The following NRXN3 variants were observed in gnomAD, a reference collection of about 807,000 sequenced individuals.
NRXN3 encodes neurexin III.
Under a neutral mutation model 137.6 loss-of-function variants are expected in NRXN3, and 32 were observed. The observed-to-expected ratio is 0.23, with a 90% CI of 0.18 to 0.31. The LOEUF is 0.31. Ranked by LOEUF, NRXN3 falls within the 10% of genes least tolerant of loss-of-function variation. The pLI, the probability that NRXN3 is intolerant of heterozygous loss-of-function variation, is 1.00. For missense variants in NRXN3, 1,574 were observed against 2,062.5 expected (o/e 0.76, Z 4.59); for synonymous variants, 798 against 784.5 (o/e 1.02, Z -0.29).
chr14:78,959,810 T>C (rs1229870948), intron 11 of NRXN3, among the ~76,000 whole-genome samples: 1 of 151,936 alleles, frequency 6.6e-6, no homozygotes, highest in Non-Finnish European at 1.5e-5. Flanking sequence ...AAGTCACACA[T>C]CTGTTGCTCA....
At chr14:78,343,814 T>C (rs1335690384) in intron 4 of NRXN3, among the ~76,000 whole-genome samples, 1 of 152,170 alleles carries the variant, frequency 6.6e-6, no homozygotes, top group Non-Finnish European at 1.5e-5. Context: ...TCCCAACCAA[T>C]TAATCAGAAT....
intron 4 of NRXN3, among the ~76,000 whole-genome samples, chr14:78,599,594 G>T (rs2097186366): frequency 6.6e-6 from 1 of 152,038 alleles, no homozygotes; most frequent in Non-Finnish European, 1.5e-5. Context: ...TCCTTTTCCT[G>T]TACCCCTCCA....
chr14:78,638,646 T>C (rs2097586505), intron 4 of NRXN3, among the ~76,000 whole-genome samples: 1 of 152,134 alleles, frequency 6.6e-6, no homozygotes, highest in African/African-American at 2.4e-5. Flanking sequence ...GCAGATAACT[T>C]GGATGTCTGC....
chr14:79,116,404 T>G (rs142483279), intron 15 of NRXN3, among the ~76,000 whole-genome samples: 77 of 152,338 alleles, frequency 5.1e-4, no homozygotes, highest in African/African-American at 1.7e-3. Flanking sequence ...TAAGCTGTAA[T>G]GGATGCAAAA....
At chr14:79,402,526 T>TAA (rs1048573004) in intron 15 of NRXN3, among the ~76,000 whole-genome samples, 3 of 152,214 alleles carry the variant, frequency 2.0e-5, no homozygotes, top group African/African-American at 4.8e-5. Context: ...TTAGCATAAG[T>TAA]AAAATTAATG....
At chr14:78,791,640 C>T (rs371960682) in intron 8 of NRXN3, among the ~76,000 whole-genome samples, 58 of 152,240 alleles carry the variant, frequency 3.8e-4, no homozygotes, top group African/African-American at 1.3e-3. Flanking sequence ...TAGAAACAGA[C>T]AACGGGACTG....
chr14:79,285,157 G>T (rs7161386), intron 15 of NRXN3, among the ~76,000 whole-genome samples: 1 of 152,064 alleles, frequency 6.6e-6, no homozygotes, highest in South Asian at 2.1e-4. Flanking sequence ...AGAGAGGAGA[G>T]ATAAGATCAT....
At chr14:78,315,583 T>C (rs896751212) in intron 4 of NRXN3, among the ~76,000 whole-genome samples, 2 of 152,210 alleles carry the variant, frequency 1.3e-5, no homozygotes, top group African/African-American at 4.8e-5. Context: ...GTATACCAAA[T>C]CTATTTGTTA....
chr14:78,284,738 G>T (rs1465478555), intron 3 of NRXN3, among the ~76,000 whole-genome samples: 2 of 152,016 alleles, frequency 1.3e-5, no homozygotes, highest in African/African-American at 4.8e-5. Context: ...GTTCTCTCCT[G>T]TCTCATATTC....
chr14:78,485,010 C>T (rs2095539292), intron 4 of NRXN3, among the ~76,000 whole-genome samples: 1 of 152,130 alleles, frequency 6.6e-6, no homozygotes, highest in African/African-American at 2.4e-5. Context: ...CCTTATAATG[C>T]ATTAACTCTT....
At chr14:79,461,631 G>A (rs2096342880) in intron 15 of NRXN3, among the ~76,000 whole-genome samples, 1 of 152,144 alleles carries the variant, frequency 6.6e-6, no homozygotes, top group African/African-American at 2.4e-5. Flanking sequence ...CAGTTCCAAA[G>A]CAACAAGCCT....
chr14:78,863,762 T>C (rs1183670751), intron 10 of NRXN3, among the ~76,000 whole-genome samples: 1 of 152,108 alleles, frequency 6.6e-6, no homozygotes, highest in Non-Finnish European at 1.5e-5. Context: ...AAAAATAAAC[T>C]GAAAAATCAA....
chr14:79,042,222 C>T (rs10146149), intron 15 of NRXN3, among the ~76,000 whole-genome samples: 19,348 of 152,190 alleles, frequency 0.13, 1,379 homozygotes, highest in Middle Eastern at 0.24. Flanking sequence ...AATATTCCAA[C>T]GATTCCTATC....
chr14:79,670,344 A>T (rs1346851140), intron 17 of NRXN3, among the ~76,000 whole-genome samples: 3 of 152,060 alleles, frequency 2.0e-5, no homozygotes, highest in Non-Finnish European at 4.4e-5. Flanking sequence ...TTAAAGGGTG[A>T]TGATTAAGCA....
At chr14:78,176,972 G>A (rs1440894374) in intron 1 of NRXN3, among the ~76,000 whole-genome samples, 1 of 152,130 alleles carries the variant, frequency 6.6e-6, no homozygotes, top group Non-Finnish European at 1.5e-5. Context: ...GGTGGTTAAG[G>A]TTGTCTTCTG....
chr14:79,374,518 T>A (rs940394732), intron 15 of NRXN3, among the ~76,000 whole-genome samples: 3 of 152,054 alleles, frequency 2.0e-5, no homozygotes, highest in Admixed American at 6.6e-5. Context: ...AATCTTTTTT[T>A]AAAAAATTAA....
intron 3 of NRXN3, among the ~76,000 whole-genome samples, chr14:78,296,870 A>G (rs1222954098): frequency 6.6e-6 from 1 of 152,130 alleles, no homozygotes; most frequent in Non-Finnish European, 1.5e-5. Context: ...GCTCAGAGTA[A>G]GGTTCTCTGG....
intron 19 of NRXN3, among the ~76,000 whole-genome samples, chr14:79,702,775 G>A (rs889181757): frequency 9.2e-5 from 14 of 152,018 alleles, no homozygotes; most frequent in African/African-American, 2.7e-4. Flanking sequence ...TCCAATATTG[G>A]TGGGTAATTA....
chr14:78,893,636 C>A (rs1165195328), intron 10 of NRXN3, among the ~76,000 whole-genome samples: 2 of 151,938 alleles, frequency 1.3e-5, no homozygotes, highest in Admixed American at 6.6e-5. Context: ...ATAGTAAAAC[C>A]ATTAAGCCTT....
Sources: allele counts gnomAD v4.1 joint callset (sites outside exome capture counted in the v4.1 genomes callset), GRCh38; gene constraint gnomAD v4.1.1; transcripts MANE v1.5; gene names NCBI Gene and HGNC (gene_info 2026-07-23, HGNC 2026-07-21).